The following TMEM232 variants were observed in gnomAD, a reference collection of about 807,000 sequenced individuals.
TMEM232 encodes transmembrane protein 232.
A neutral mutation model predicts 78.8 loss-of-function variants in TMEM232; 80 were observed. The ratio of observed to expected loss-of-function variants is 1.01; its 90% CI spans 0.85 to 1.22. TMEM232 has a LOEUF of 1.22. Ranked by LOEUF, TMEM232 falls within the 50% of genes most tolerant of loss-of-function variation. The pLI, the probability that TMEM232 is intolerant of heterozygous loss-of-function variation, is 0.00. For synonymous variants in TMEM232, 297 were observed against 254.3 expected (o/e 1.17, Z -1.60); for missense variants, 881 against 742.2 (o/e 1.19, Z -2.17).
intron 11 of TMEM232, among the ~76,000 whole-genome samples, chr5:110,535,620 C>T (rs1772234216): frequency 6.6e-6 from 1 of 151,844 alleles, no homozygotes; most frequent in African/African-American, 2.4e-5. Context: ...CAAAAAAGAG[C>T]TCCTCCTTTT....
chr5:110,442,210 C>CCTAT (rs1477635386), intron 12 of TMEM232, among the ~76,000 whole-genome samples: 1 of 151,968 alleles, frequency 6.6e-6, no homozygotes, highest in African/African-American at 2.4e-5. Flanking sequence ...ACTTTCTACC[C>CCTAT]CTATCTCTTT....
chr5:110,405,681 A>G (rs1001338806), intron 2 of TMEM232, among the ~76,000 whole-genome samples: 6 of 151,214 alleles, frequency 4.0e-5, no homozygotes, highest in South Asian at 2.1e-4. Context: ...GAAAGATTCA[A>G]TGAACTCAAA....
At chr5:110,694,516 G>T (rs1271701258) in intron 1 of TMEM232, among the ~76,000 whole-genome samples, 3 of 152,104 alleles carry the variant, frequency 2.0e-5, no homozygotes, top group Non-Finnish European at 4.4e-5. Flanking sequence ...AGGCAAACTG[G>T]ATAAAGAGTC....
At chr5:110,409,899 C>T (rs311721) in intron 2 of TMEM232, among the ~76,000 whole-genome samples, 41,672 of 152,066 alleles carry the variant, frequency 0.27, 9,415 homozygotes, top group African/African-American at 0.61. Flanking sequence ...GCAAAGAGTT[C>T]ACTATACTAA....
intron 2 of TMEM232, among the ~76,000 whole-genome samples, chr5:110,405,385 A>G (rs979867622): frequency 2.0e-5 from 3 of 152,108 alleles, no homozygotes; most frequent in Non-Finnish European, 1.5e-5. Context: ...ATAAAAGATT[A>G]GAAGATATGT....
chr5:110,450,736 G>C (rs1447895296), intron 12 of TMEM232, among the ~76,000 whole-genome samples: 1 of 152,168 alleles, frequency 6.6e-6, no homozygotes, highest in African/African-American at 2.4e-5. Context: ...TCCACAGTTA[G>C]ATGTGTTCTT....
chr5:110,617,724 G>A (rs2149889216), intron 8 of TMEM232, among the ~76,000 whole-genome samples: 1 of 152,178 alleles, frequency 6.6e-6, no homozygotes, highest in South Asian at 2.1e-4. Flanking sequence ...GGGAGGCCGA[G>A]GTAGGCAGAT....
chr5:110,551,538 G>T (rs2149615365), intron 11 of TMEM232, among the ~76,000 whole-genome samples: 1 of 152,212 alleles, frequency 6.6e-6, no homozygotes, highest in South Asian at 2.1e-4. Context: ...TAACATTTTT[G>T]TAATAGAAAT....
At chr5:110,623,419 G>T (rs753811837) in intron 7 of TMEM232, among the ~76,000 whole-genome samples, 16 of 152,066 alleles carry the variant, frequency 1.1e-4, no homozygotes, top group Non-Finnish European at 1.9e-4. Flanking sequence ...CAAATGATAA[G>T]GGCTACAGGA....
chr5:110,554,404 G>A (rs1048829498), intron 11 of TMEM232, among the ~76,000 whole-genome samples: 6 of 152,124 alleles, frequency 3.9e-5, no homozygotes, highest in Admixed American at 2.0e-4. Flanking sequence ...CAGGTGGCCT[G>A]TTGTGGGACC....
Position 110,625,429 on chromosome 5 carries a change from A to C in TMEM232, c.606T>G (p.Leu202=), listed in dbSNP as rs545653648. 2.0e-5 allele frequency: 31 copies of C among 1,518,212 alleles called. No individual in the cohort carries two copies. Among genetic ancestry groups the C allele is most frequent in the Non-Finnish European group, 2.7e-5 (31 of 1,130,984 alleles). 94.0% of individuals were successfully genotyped at this position (1,518,212 alleles called of 1,614,324 possible). A position where few individuals can be genotyped will look rare whatever the true frequency, so the allele number is the denominator to read the frequency against. ...TGTGATATGATGCTCCAGAGAAAGA[A>C]AGTGCTATTGTAAGAAAAATCATCT... The part of the protein sequence containing the change: ...LLRLQPYLYA[L]SFSGASYHKY... The change falls in exon 7 of 14, where the codon CTT becomes CTG. Residue 202 remains leucine (L), a synonymous_variant. Coordinates refer to ENST00000455884, the MANE Select transcript of TMEM232 (RefSeq NM_001039763.4).
Position 110,659,053 on chromosome 5 carries a change from C to T in TMEM232, c.125+8175G>A, listed in dbSNP as rs558365663. 2.6e-5 allele frequency among the ~76,000 whole-genome samples: 4 copies of T among 152,234 alleles called. No homozygotes were observed. In the South Asian group the frequency reaches 6.2e-4, roughly 24 times the overall value. ...AAAGGAAATGGAATAGAACCCTCAA[C>T]ATGCTTATTTTCTTCCCATAATATG... On this transcript the variant is annotated intron_variant, in intron 2 of 13. Transcript: ENST00000455884.
chr5:110,591,984 T>A (rs1356434497), intron 10 of TMEM232, among the ~76,000 whole-genome samples: 4 of 152,168 alleles, frequency 2.6e-5, no homozygotes, highest in African/African-American at 7.2e-5. Context: ...GAACTGGGCT[T>A]TATTACTAAT....
intron 2 of TMEM232, among the ~76,000 whole-genome samples, chr5:110,408,670 C>T (rs1322515021): frequency 6.6e-6 from 1 of 151,848 alleles, no homozygotes; most frequent in African/African-American, 2.4e-5. Context: ...AAACAAAATT[C>T]ACAAATTTTT....
chr5:110,406,643 G>A (rs564351724), intron 2 of TMEM232, among the ~76,000 whole-genome samples: 9 of 152,080 alleles, frequency 5.9e-5, no homozygotes, highest in African/African-American at 2.2e-4. Flanking sequence ...ACGTTTCAAG[G>A]TATGAACCCA....
chr5:110,560,548 TA>T (rs200307133), intron 11 of TMEM232, among the ~76,000 whole-genome samples: 2,948 of 152,166 alleles, frequency 0.019, 88 homozygotes, highest in African/African-American at 0.068. Context: ...GACTAATCAT[TA>T]AAGAAAGAAG....
intron 7 of TMEM232, among the ~76,000 whole-genome samples, chr5:110,621,643 C>A (rs964543676): frequency 6.6e-5 from 10 of 152,084 alleles, no homozygotes; most frequent in African/African-American, 2.2e-4. Flanking sequence ...GCACTGAGCA[C>A]TGCCTTAAAT....
chr5:110,612,276 C>T (rs979345867), intron 8 of TMEM232, among the ~76,000 whole-genome samples: 3 of 152,082 alleles, frequency 2.0e-5, no homozygotes, highest in African/African-American at 7.2e-5. Flanking sequence ...GGTTGCATTG[C>T]TTTTTCGCTG....
At chr5:110,457,063 T>C (rs1011221946) in intron 12 of TMEM232, among the ~76,000 whole-genome samples, 2 of 152,098 alleles carry the variant, frequency 1.3e-5, no homozygotes, top group South Asian at 2.1e-4. Context: ...CTGTGAAATA[T>C]AATGCTAAGA....
Sources: gnomAD v4.1 joint callset for allele counts (sites outside exome capture counted in the v4.1 genomes callset) on GRCh38, gnomAD v4.1.1 for gene constraint, MANE v1.5 for transcripts, NCBI Gene and HGNC (gene_info 2026-07-23, HGNC 2026-07-21) for gene names.